Variants in HEATR1 observed in about 807,000 individuals in gnomAD.
HEATR1 encodes HEAT repeat containing 1, also known as HEAT repeat-containing protein 1.
A neutral mutation model predicts 248.2 loss-of-function variants in HEATR1; 77 were observed. The ratio of observed to expected loss-of-function variants is 0.31; its 90% CI spans 0.26 to 0.37. The LOEUF (loss-of-function observed/expected upper bound fraction) is 0.37, where lower values mean the gene tolerates loss of function less well. Among genes scored for constraint, HEATR1 ranks in the 10% least tolerant of loss-of-function variants. The pLI is 1.00. For missense variants in HEATR1, 2,420 were observed against 2,504.9 expected (o/e 0.97, Z 0.72); for synonymous variants, 897 against 923.1 (o/e 0.97, Z 0.51).
chr1:236,553,310 AGAAAGTATTTT>A (rs1325340129), intron 43 of HEATR1, among the ~76,000 whole-genome samples: 2 of 152,394 alleles, frequency 1.3e-5, no homozygotes, highest in African/African-American at 4.8e-5. Flanking sequence ...AAAAGTATTT[AGAAAGTATTTT>A]AGTACTTCTG....
chr1:236,565,228 G>A (rs116218442), intron 31 of HEATR1, among the ~76,000 whole-genome samples: 4,634 of 152,312 alleles, frequency 0.03, 76 homozygotes, highest in Middle Eastern at 0.055. Flanking sequence ...CAGTCTCTGC[G>A]GAGCTCTTAG....
chr1:236,566,898 C>A, intron 29 of HEATR1, 22 bp from the exon 30 acceptor site: 2 of 1,511,232 alleles, frequency 1.3e-6, no homozygotes, highest in Non-Finnish European at 1.8e-6. Context: ...CAAGCAGAGA[C>A]AATGAGTAGG....
rs1339572617 is a variant in HEATR1, at chr1:236,574,713, G to C, written c.3275C>G (p.Thr1092Arg). Residue 1092 changes from threonine to arginine, a missense_variant, in exon 23 of 45, where the codon ACA (threonine) becomes AGA (arginine). Transcript: ENST00000366582. ...TGGCATTCCCGCGTAAAGTTCCTTTGTTGTGTGCACAGCTTTTATAAATAT... is the reference window on the plus strand; with the variant it reads ...TGGCATTCCCGCGTAAAGTTCCTTTCTTGTGTGCACAGCTTTTATAAATAT... The part of the protein sequence containing the change: ...LDIFIKAVHT[T>R]KELYAGMPTI... The C allele has an allele frequency of 6.8e-6, 11 of 1,613,662 alleles. No homozygotes were observed. The highest frequency in any genetic ancestry group is 8.5e-6 in the Non-Finnish European group (10 of 1,179,854).
intron 33 of HEATR1, among the ~76,000 whole-genome samples, chr1:236,560,506 G>A (rs1232259764): frequency 1.3e-5 from 2 of 152,120 alleles, no homozygotes; most frequent in Non-Finnish European, 2.9e-5. Flanking sequence ...AGAAGGGGGC[G>A]CAGACAAAAT....
intron 8 of HEATR1, among the ~76,000 whole-genome samples, chr1:236,594,615 C>G (rs1201928567): frequency 1.3e-5 from 2 of 152,150 alleles, no homozygotes; most frequent in Non-Finnish European, 2.9e-5. Context: ...TTTCATTTTG[C>G]TAGTCACTTT....
intron 5 of HEATR1, 108 bp from the exon 6 acceptor site, chr1:236,597,084 C>A: frequency 1.1e-6 from 1 of 922,966 alleles, no homozygotes; most frequent in Non-Finnish European, 1.6e-6. Flanking sequence ...ATGATGGCAC[C>A]ACTGTACTCT....
intron 1 of HEATR1, 57 bp downstream of exon 1, chr1:236,604,365 C>G: frequency 5.9e-6 from 2 of 341,808 alleles, no homozygotes. Context: ...AACTCTTACC[C>G]TCCCTCGATA....
At chr1:236,589,319 G>A (rs1194820740) in intron 12 of HEATR1, among the ~76,000 whole-genome samples, 1 of 152,074 alleles carries the variant, frequency 6.6e-6, no homozygotes, top group Non-Finnish European at 1.5e-5. Flanking sequence ...AAACCTATTG[G>A]CAGTTTACAA....
At position 236,566,705 on chromosome 1, in the gene HEATR1, T is replaced by A. The variant is rs1401720044; in HGVS notation, c.4249A>T (p.Ile1417Phe). The A allele has an allele frequency of 6.2e-7, 1 of 1,614,016 alleles. No individual in the cohort carries two copies. Among genetic ancestry groups the A allele is most frequent in the Non-Finnish European group, 8.5e-7 (1 of 1,180,026 alleles). ...GAEKFLWILL[I>F]LLFEQYVTKT... ...GTGACATACTGTTCAAAAAGCAAGA[T>A]GAGGAGAATCCAGAGGAATTTCTCT... The change falls in exon 30 of 45, where the codon ATC (isoleucine) becomes TTC (phenylalanine). Residue 1417 changes from isoleucine (I) to phenylalanine (F), a missense_variant. Physicochemically the swap from Ile to Phe is conservative, Grantham distance 21. Coordinates refer to ENST00000366582, the MANE Select transcript of HEATR1 (RefSeq NM_018072.6).
intron 28 of HEATR1, 85 bp from the exon 29 acceptor site, chr1:236,569,209 C>G (rs948474074): frequency 9.2e-7 from 1 of 1,083,752 alleles, no homozygotes; most frequent in Non-Finnish European, 1.3e-6. Context: ...CTCGCTCCGT[C>G]ATTCAGGCTG....
chr1:236,587,528 G>A, intron 13 of HEATR1, 38 bp from the exon 14 acceptor site: 1 of 1,011,728 alleles, frequency 9.9e-7, no homozygotes, highest in Non-Finnish European at 1.4e-6. Flanking sequence ...ATTTGTACTT[G>A]CTTCAAACAT....
At position 236,559,270 on chromosome 1, in the gene HEATR1, C is replaced by G. The variant is rs566456428; in HGVS notation, c.4771-135G>C. ...TCCACACACATTTTCTTATTTAATT[C>G]TTAAAATAACCTTTCAGGTAGGCAT... On this transcript the variant is annotated intron_variant, in intron 34 of 44. Coordinates refer to ENST00000366582, the MANE Select transcript of HEATR1 (RefSeq NM_018072.6). 13 of 615,810 alleles carry G rather than the reference C, an allele frequency of 2.1e-5. No individual in the cohort carries two copies. The South Asian group carries it at 4.5e-4, about 22-fold the overall frequency. 38.1% of individuals were successfully genotyped at this position (615,810 alleles called of 1,614,324 possible).
chr1:236,587,732 T>C (rs1663932941), intron 13 of HEATR1, among the ~76,000 whole-genome samples: 1 of 152,154 alleles, frequency 6.6e-6, no homozygotes. Context: ...ACAAAACATT[T>C]TTCCTGTTTG....
intron 34 of HEATR1, 70 bp from the exon 35 acceptor site, chr1:236,559,205 C>A: frequency 7.7e-7 from 1 of 1,290,562 alleles, no homozygotes; most frequent in Admixed American, 2.6e-5. Flanking sequence ...TCAATTAAGA[C>A]AGACTGCTGT....
chr1:236,577,370 C>T (rs547122812), intron 20 of HEATR1, among the ~76,000 whole-genome samples: 1 of 152,256 alleles, frequency 6.6e-6, no homozygotes, highest in Non-Finnish European at 1.5e-5. Flanking sequence ...AGGCTGGTTT[C>T]GAACTCCTGA....
At chr1:236,570,917 T>C (rs1240248537) in intron 28 of HEATR1, among the ~76,000 whole-genome samples, 1 of 152,198 alleles carries the variant, frequency 6.6e-6, no homozygotes, top group Non-Finnish European at 1.5e-5. Context: ...AAAAGGGACA[T>C]GATTTCTTTA....
intron 12 of HEATR1, among the ~76,000 whole-genome samples, chr1:236,589,405 C>T (rs1663972106): frequency 6.6e-6 from 1 of 152,156 alleles, no homozygotes. Context: ...TTCAAAGAAA[C>T]ATTCTCAAAG....
intron 14 of HEATR1, among the ~76,000 whole-genome samples, chr1:236,587,015 G>A (rs879626842): frequency 1.3e-5 from 2 of 152,204 alleles, no homozygotes; most frequent in Admixed American, 6.5e-5. Context: ...ACTTACCACA[G>A]ATGGTATCAT....
intron 20 of HEATR1, among the ~76,000 whole-genome samples, chr1:236,578,262 G>A (rs1663619235): frequency 6.6e-6 from 1 of 152,178 alleles, no homozygotes; most frequent in East Asian, 1.9e-4. Flanking sequence ...ATAGCCAGAT[G>A]TCCCATTTAA....
Sources: allele counts gnomAD v4.1 joint callset (sites outside exome capture counted in the v4.1 genomes callset), GRCh38; gene constraint gnomAD v4.1.1; transcripts MANE v1.5; gene names NCBI Gene and HGNC (gene_info 2026-07-23, HGNC 2026-07-21).